The following TPGS1 variants were observed in gnomAD, a reference collection of about 807,000 sequenced individuals.
TPGS1 encodes gene trap ROSA b-geo 22.
In TPGS1, 18 loss-of-function variants were observed where a neutral mutation model predicts 11.9. That is an observed-to-expected ratio of 1.51 (90% CI 1.04 to 2.24). The LOEUF (loss-of-function observed/expected upper bound fraction) is 2.24. Ranked by LOEUF, TPGS1 falls within the 30% of genes most tolerant of loss-of-function variation. The pLI, the probability that TPGS1 is intolerant of heterozygous loss-of-function variation, is 0.00. For synonymous variants in TPGS1, 247 were observed against 218.2 expected (o/e 1.13, Z -1.16); for missense variants, 500 against 443.0 (o/e 1.13, Z -1.16).
intron 1 of TPGS1, chr19:510,217 C>CA (rs1489680498): frequency 3.3e-5 from 5 of 152,004 alleles, no homozygotes; most frequent in African/African-American, 7.3e-5. Flanking sequence ...ACTAAAAATA[C>CA]AAAAAATTAG....
chr19:510,043 T>C, intron 1 of TPGS1: 1 of 151,820 alleles, frequency 6.6e-6, no homozygotes, highest in South Asian at 2.1e-4. Flanking sequence ...CCTTGGACCG[T>C]CAGGAACCCC....
At chr19:517,195 G>C (rs1978978303) in intron 1 of TPGS1, among the ~76,000 whole-genome samples, 1 of 150,614 alleles carries the variant, frequency 6.6e-6, no homozygotes, top group African/African-American at 2.4e-5. Flanking sequence ...GAAAACAGGA[G>C]GAAAGGAGTT....
intron 1 of TPGS1, among the ~76,000 whole-genome samples, chr19:512,589 C>A (rs999126520): frequency 5.3e-5 from 8 of 152,240 alleles, no homozygotes; most frequent in African/African-American, 1.9e-4. Flanking sequence ...CCCCCTCGCA[C>A]GTTTCAGGGG....
intron 1 of TPGS1, among the ~76,000 whole-genome samples, chr19:513,372 T>G (rs1051527135): frequency 1.6e-4 from 25 of 152,168 alleles, no homozygotes; most frequent in African/African-American, 6.0e-4. Context: ...GGCCTAGAGT[T>G]GAATTGCAGG....
In TPGS1 at chr19:519,027, G is replaced by A. The variant is rs746623701; in HGVS notation, c.477G>A (p.Glu159=). ...RICRDGQAPE[E]VVAPLLRKVQ... is the part of the protein sequence containing the mutation. ...GCCGGGACGGCCAAGCCCCCGAGGAGGTGGTGGCGCCGCTGCTGCGCAAGG... is the reference window on the plus strand; with the variant it reads ...GCCGGGACGGCCAAGCCCCCGAGGAAGTGGTGGCGCCGCTGCTGCGCAAGG... The change falls in exon 2 of 2, where the codon GAG becomes GAA. Residue 159 remains glutamate, a synonymous_variant. Coordinates refer to ENST00000359315, the MANE Select transcript of TPGS1 (RefSeq NM_033513.3). 1.3e-6 allele frequency: 2 copies of A among 1,558,658 alleles called. No individual in the cohort carries two copies. The highest frequency in any genetic ancestry group is 2.7e-5 in the African/African-American group (2 of 73,832).
chr19:516,510 G>A (rs1270532343), intron 1 of TPGS1, among the ~76,000 whole-genome samples: 3 of 151,378 alleles, frequency 2.0e-5, no homozygotes, highest in African/African-American at 4.9e-5. Context: ...TCAGACTCCC[G>A]AGTAGCTGGG....
intron 1 of TPGS1, among the ~76,000 whole-genome samples, chr19:511,453 A>G (rs3745924): frequency 0.61 from 93,052 of 152,206 alleles, 28,954 homozygotes; most frequent in African/African-American, 0.69. Context: ...ATTACAGCCC[A>G]AAATAAGCAG....
intron 1 of TPGS1, among the ~76,000 whole-genome samples, chr19:513,512 G>A (rs918992894): frequency 6.6e-6 from 1 of 152,082 alleles, no homozygotes; most frequent in Admixed American, 6.6e-5. Flanking sequence ...GGAGGCACGT[G>A]TTCACCAGGC....
At chr19:509,170 G>C (rs1978714536) in intron 1 of TPGS1, 1 of 152,208 alleles carries the variant, frequency 6.6e-6, no homozygotes, top group African/African-American at 2.4e-5. Context: ...GAAGAGCTCA[G>C]GACCCCACTC....
In TPGS1 at chr19:519,005, G is replaced by T; in HGVS notation, c.455G>T (p.Arg152Leu). Residue 152 changes from arginine to leucine, a missense_variant, in exon 2 of 2, where the codon CGG becomes CTG. Coordinates refer to ENST00000359315, the MANE Select transcript of TPGS1 (RefSeq NM_033513.3). ...TYSELLRRIC[R>L]DGQAPEEVVA... ...AGCGAGCTGCTCAGGCGCATCTGCC[G>T]GGACGGCCAAGCCCCCGAGGAGGTG... The T allele has an allele frequency of 6.4e-7, 1 of 1,572,234 alleles. No homozygotes were observed. The highest frequency in any genetic ancestry group is 8.6e-7 in the Non-Finnish European group (1 of 1,166,492).
intron 1 of TPGS1, among the ~76,000 whole-genome samples, chr19:515,123 A>G (rs1226548256): frequency 4.6e-5 from 7 of 152,220 alleles, no homozygotes; most frequent in African/African-American, 1.4e-4. Flanking sequence ...CACAGGCCAC[A>G]TGTCAGCGGA....
Position 507,751 on chromosome 19 carries a change from G to T in TPGS1, c.245G>T (p.Gly82Val), listed in dbSNP as rs756772683. 2 of 1,398,112 alleles carry T rather than the reference G, an allele frequency of 1.4e-6. No homozygotes were observed. Among genetic ancestry groups the T allele is most frequent in the African/African-American group, 1.5e-5 (1 of 66,104 alleles). The allele number at this position is 1,398,112 out of a possible 1,614,324, so 86.6% of individuals were successfully genotyped here. A position where few individuals can be genotyped will look rare whatever the true frequency, so the allele number is the denominator to read the frequency against. The change falls in exon 1 of 2, where the codon GGC becomes GTC. Residue 82 changes from glycine (G) to valine (V), a missense_variant. Physicochemically the swap from Gly to Val is moderately radical, Grantham distance 109. Transcript: ENST00000359315. ...ENMGLRSPVN[G>V]GAGEPPGQLL... ...ATGGGCCTGCGCTCGCCTGTAAACG[G>T]CGGCGCCGGGGAGCCCCCGGGCCAG...
intron 1 of TPGS1, among the ~76,000 whole-genome samples, chr19:512,869 G>A (rs1978840641): frequency 6.6e-6 from 1 of 152,218 alleles, no homozygotes; most frequent in Non-Finnish European, 1.5e-5. Context: ...TGCTGGCTCG[G>A]CTGGGCAGCC....
chr19:514,588 C>T (rs557403088), intron 1 of TPGS1, among the ~76,000 whole-genome samples: 7 of 152,218 alleles, frequency 4.6e-5, no homozygotes, highest in Non-Finnish European at 1.0e-4. Context: ...CCACAGGTGG[C>T]CCACAGAAAG....
Position 507,675 on chromosome 19 carries a change from G to C in TPGS1, c.169G>C (p.Glu57Gln), listed in dbSNP as rs1978660562. 4 of 1,384,938 alleles carry C rather than the reference G, an allele frequency of 2.9e-6. No homozygotes were observed. In the Admixed American group the frequency reaches 1.3e-4, roughly 46 times the overall value. The allele number at this position is 1,384,938 out of a possible 1,614,324, so 85.8% of individuals were successfully genotyped here. A position where few individuals can be genotyped will look rare whatever the true frequency, so the allele number is the denominator to read the frequency against. Residue 57 changes from glutamate (E) to glutamine (Q), a missense_variant, in exon 1 of 2, where the codon GAG becomes CAG. Transcript: ENST00000359315. ...ACGTGCGGCCCTGCTGAAGGTGCTG[G>C]AGGCGCGGCCCGAGGAGCCGATCGC... ...MLRAALLKVL[E>Q]ARPEEPIAFL... is the part of the protein sequence containing the mutation.
At chr19:515,994 T>C (rs1978941647) in intron 1 of TPGS1, among the ~76,000 whole-genome samples, 1 of 144,446 alleles carries the variant, frequency 6.9e-6, no homozygotes, top group Non-Finnish European at 1.5e-5. Context: ...ATCCCGCCAC[T>C]GCACTCCAGC....
At position 519,253 on chromosome 19, in the gene TPGS1, G is replaced by C; in HGVS notation, c.703G>C (p.Ala235Pro). 1 of 1,213,222 alleles carries C rather than the reference G, an allele frequency of 8.2e-7. No homozygotes were observed. The highest frequency in any genetic ancestry group is 1.0e-6 in the Non-Finnish European group (1 of 977,574). 75.2% of individuals were successfully genotyped at this position (1,213,222 alleles called of 1,614,324 possible). The part of the protein sequence containing the change: ...LEGALQASDA[A>P]APARFLEAGS... ...GGGCGCGCTGCAGGCCAGCGACGCC[G>C]CCGCGCCCGCGCGCTTCCTGGAGGC... Residue 235 changes from alanine (A) to proline (P), a missense_variant, in exon 2 of 2, where the codon GCC becomes CCC. Transcript: ENST00000359315.
At chr19:517,039 C>G (rs1332639767) in intron 1 of TPGS1, among the ~76,000 whole-genome samples, 1 of 152,100 alleles carries the variant, frequency 6.6e-6, no homozygotes, top group Non-Finnish European at 1.5e-5. Context: ...TTACTGAGCA[C>G]CTACTGTGGG....
chr19:513,826 T>C (rs1314816782), intron 1 of TPGS1, among the ~76,000 whole-genome samples: 2 of 149,486 alleles, frequency 1.3e-5, no homozygotes, highest in African/African-American at 5.0e-5. Context: ...TACTGCACAC[T>C]GGCCCCACAT....
Sources: allele counts gnomAD v4.1 joint callset (sites outside exome capture counted in the v4.1 genomes callset), GRCh38; gene constraint gnomAD v4.1.1; transcripts MANE v1.5; gene names NCBI Gene and HGNC (gene_info 2026-07-23, HGNC 2026-07-21).